The following MAP4K3 variants were observed in gnomAD, a reference collection of about 807,000 sequenced individuals.
MAP4K3 encodes the protein MAPK/ERK kinase kinase kinase 3.
A neutral mutation model predicts 143.5 loss-of-function variants in MAP4K3; 94 were observed. The observed-to-expected ratio is 0.65, with a 90% CI of 0.55 to 0.78. The LOEUF (loss-of-function observed/expected upper bound fraction) is 0.78, where lower values mean the gene tolerates loss of function less well. MAP4K3 is among the 30% of genes least tolerant of loss of function. The probability of loss-of-function intolerance (pLI) is 0.00; values close to 1 mark genes in which losing one functional copy is unlikely to be tolerated. For synonymous variants in MAP4K3, 416 were observed against 347.2 expected (o/e 1.20, Z -2.20); for missense variants, 1,077 against 1,068.1 (o/e 1.01, Z -0.12).
chr2:39,280,428 T>C (rs992839312), intron 22 of MAP4K3, 72 bp from the exon 23 acceptor site: 2 of 821,004 alleles, frequency 2.4e-6, no homozygotes, highest in African/African-American at 3.5e-5. Context: ...ATGTAACTAT[T>C]ATCTATTTTA....
chr2:39,268,831 G>A (rs1680891520), intron 26 of MAP4K3, among the ~76,000 whole-genome samples: 1 of 151,686 alleles, frequency 6.6e-6, no homozygotes. Flanking sequence ...GTAGAGACGG[G>A]GTTTCGACAT....
chr2:39,361,844 T>C (rs911797347), intron 2 of MAP4K3, among the ~76,000 whole-genome samples: 2 of 152,010 alleles, frequency 1.3e-5, no homozygotes, highest in African/African-American at 4.8e-5. Flanking sequence ...TCAAGATGCT[T>C]CTGGAAAACC....
chr2:39,275,570 AATTAAT>A (rs1681214132), intron 24 of MAP4K3, among the ~76,000 whole-genome samples: 1 of 152,212 alleles, frequency 6.6e-6, no homozygotes, highest in Non-Finnish European at 1.5e-5. Flanking sequence ...TATTCCTTAC[AATTAAT>A]ATTGTTACCA....
chr2:39,280,830 A>G (rs1205456329), intron 22 of MAP4K3, among the ~76,000 whole-genome samples: 3 of 152,186 alleles, frequency 2.0e-5, no homozygotes, highest in African/African-American at 7.2e-5. Flanking sequence ...TGAAATTCAT[A>G]TATGTGCTTC....
intron 2 of MAP4K3, among the ~76,000 whole-genome samples, chr2:39,366,659 G>T (rs1410298437): frequency 1.3e-5 from 2 of 152,132 alleles, no homozygotes; most frequent in Non-Finnish European, 1.5e-5. Flanking sequence ...TGGTTGGGAG[G>T]CCTTGGAACT....
chr2:39,344,590 A>G (rs1377707713), intron 3 of MAP4K3, among the ~76,000 whole-genome samples: 1 of 152,196 alleles, frequency 6.6e-6, no homozygotes, highest in African/African-American at 2.4e-5. Context: ...AAAGCCTAAA[A>G]TATTTACTAT....
At chr2:39,410,701 A>G (rs1667211466) in intron 1 of MAP4K3, among the ~76,000 whole-genome samples, 1 of 152,228 alleles carries the variant, frequency 6.6e-6, no homozygotes, top group African/African-American at 2.4e-5. Context: ...AGTACTTTTC[A>G]TAATATGAAG....
intron 2 of MAP4K3, among the ~76,000 whole-genome samples, chr2:39,375,464 G>T (rs371097696): frequency 1.3e-5 from 2 of 152,028 alleles, no homozygotes; most frequent in Admixed American, 6.6e-5. Context: ...ATAAATGATC[G>T]AGTTACTTCC....
intron 2 of MAP4K3, among the ~76,000 whole-genome samples, chr2:39,375,079 A>T (rs946864352): frequency 8.5e-5 from 13 of 152,162 alleles, no homozygotes; most frequent in African/African-American, 3.1e-4. Context: ...TGGGCAATAT[A>T]GTGAGACCCT....
At chr2:39,296,319 T>C (rs1319818237) in intron 16 of MAP4K3, among the ~76,000 whole-genome samples, 1 of 152,238 alleles carries the variant, frequency 6.6e-6, no homozygotes, top group Non-Finnish European at 1.5e-5. Flanking sequence ...ATATTGCATC[T>C]TGAGAGCACT....
At chr2:39,417,102 T>G (rs193024255) in intron 1 of MAP4K3, among the ~76,000 whole-genome samples, 25 of 152,342 alleles carry the variant, frequency 1.6e-4, no homozygotes, top group African/African-American at 5.3e-4. Flanking sequence ...CGAGAACTGT[T>G]TGGCTTGTCA....
intron 21 of MAP4K3, among the ~76,000 whole-genome samples, chr2:39,285,316 G>C (rs750409257): frequency 6.6e-6 from 1 of 152,054 alleles, no homozygotes; most frequent in Non-Finnish European, 1.5e-5. Flanking sequence ...AATGAAGTAA[G>C]TTAACAGAAA....
At chr2:39,284,165 G>A (rs967544816) in intron 21 of MAP4K3, among the ~76,000 whole-genome samples, 1 of 151,720 alleles carries the variant, frequency 6.6e-6, no homozygotes, top group African/African-American at 2.4e-5. Flanking sequence ...TTTTGTTGTT[G>A]TTTTTTTATT....
chr2:39,347,279 G>A (rs1163475158), intron 3 of MAP4K3, among the ~76,000 whole-genome samples: 5 of 152,014 alleles, frequency 3.3e-5, no homozygotes, highest in African/African-American at 7.2e-5. Flanking sequence ...GCTCTCTTGC[G>A]GTACTCAGCA....
intron 12 of MAP4K3, among the ~76,000 whole-genome samples, chr2:39,316,880 T>C (rs1293673363): frequency 2.6e-5 from 4 of 152,078 alleles, no homozygotes; most frequent in Non-Finnish European, 5.9e-5. Flanking sequence ...TGTAGATACA[T>C]TCTCAAAAAT....
intron 2 of MAP4K3, among the ~76,000 whole-genome samples, chr2:39,367,752 C>T (rs879340774): frequency 2.6e-5 from 4 of 152,068 alleles, no homozygotes; most frequent in Admixed American, 2.6e-4. Context: ...TACCCTAATG[C>T]TGTGTTTCCC....
chr2:39,401,633 T>C (rs1238353106), intron 1 of MAP4K3, among the ~76,000 whole-genome samples: 1 of 151,796 alleles, frequency 6.6e-6, no homozygotes, highest in Non-Finnish European at 1.5e-5. Flanking sequence ...AACCCATCTC[T>C]ACAAGAAAAT....
At position 39,315,344 on chromosome 2, in the gene MAP4K3, G is replaced by A. The variant is rs373839840; in HGVS notation, c.963C>T (p.Asn321=). Residue 321 remains asparagine (N), a synonymous_variant, in exon 13 of 34, where the codon AAC becomes AAT. Transcript: ENST00000263881. ...VPHRIHSTSR[N]VREEKTRSEI... ...CTGAGCGTGTTTTTTCTTCTCTCAC[G>A]TTTCTACTTGTTGAGTGAATTCTAT... 4.9e-5 allele frequency: 79 copies of A among 1,612,264 alleles called. No individual in the cohort carries two copies. The Middle Eastern group carries it at 1.5e-3, about 30-fold the overall frequency.
At chr2:39,376,701 A>G (rs546370992) in intron 2 of MAP4K3, among the ~76,000 whole-genome samples, 2 of 152,338 alleles carry the variant, frequency 1.3e-5, no homozygotes, top group South Asian at 4.1e-4. Context: ...CATCTTAATT[A>G]GACCCAGGGT....
Sources: gnomAD v4.1 joint callset for allele counts (sites outside exome capture counted in the v4.1 genomes callset) on GRCh38, gnomAD v4.1.1 for gene constraint, MANE v1.5 for transcripts, NCBI Gene and HGNC (gene_info 2026-07-23, HGNC 2026-07-21) for gene names.